The following SBF2 variants were observed in gnomAD, a reference collection of about 807,000 sequenced individuals.
The protein encoded by SBF2 is myotubularin-related protein 13.
Under a neutral mutation model 225.2 loss-of-function variants are expected in SBF2, and 112 were observed. That is an observed-to-expected ratio of 0.50 (90% CI 0.43 to 0.58). The LOEUF (loss-of-function observed/expected upper bound fraction) is 0.58, where lower values mean the gene tolerates loss of function less well. Among genes scored for constraint, SBF2 ranks in the 20% least tolerant of loss-of-function variants. The probability of loss-of-function intolerance (pLI) is 0.00; values close to 1 mark genes in which losing one functional copy is unlikely to be tolerated. For synonymous variants in SBF2, 763 were observed against 773.3 expected (o/e 0.99, Z 0.22); for missense variants, 1,996 against 2,206.2 (o/e 0.90, Z 1.91).
At chr11:10,211,148 G>C (rs1250788655) in intron 1 of SBF2, among the ~76,000 whole-genome samples, 1 of 151,500 alleles carries the variant, frequency 6.6e-6, no homozygotes, top group Non-Finnish European at 1.5e-5. Flanking sequence ...TCATGTCACT[G>C]GTATCCAGTA....
chr11:10,193,501 C>A (rs1227534757), intron 2 of SBF2, among the ~76,000 whole-genome samples: 1 of 151,858 alleles, frequency 6.6e-6, no homozygotes, highest in Non-Finnish European at 1.5e-5. Flanking sequence ...ACTACAGACG[C>A]CCGCCACCAC....
Position 9,845,571 on chromosome 11 carries a change from G to T in SBF2, c.3104C>A (p.Ser1035Tyr), listed in dbSNP as rs1856484914. The change falls in exon 24 of 40, where the codon TCT (serine) becomes TAT (tyrosine). Residue 1035 changes from serine (S) to tyrosine (Y), a missense_variant. Ser to Tyr is a moderately radical substitution (Grantham distance 144). Transcript: ENST00000256190. ...ILPKQKEKNT[S>Y]FRTFSKTIVK... is the part of the protein sequence containing the mutation. ...GACTTGTCTTTCTTCTTACCGAAAA[G>T]AAGTGTTCTTTTCCTTCTGTTTTGG... 6.2e-7 allele frequency: 1 copy of T among 1,613,508 alleles called. No homozygotes were observed. The highest frequency in any genetic ancestry group is 8.5e-7 in the Non-Finnish European group (1 of 1,179,470).
chr11:10,292,119 T>A (rs1964195836), intron 1 of SBF2, among the ~76,000 whole-genome samples: 1 of 152,240 alleles, frequency 6.6e-6, no homozygotes, highest in African/African-American at 2.4e-5. Context: ...ATTGCTAAAC[T>A]GGATCCTTTT....
chr11:9,802,992 T>A (rs1484552572), intron 32 of SBF2, among the ~76,000 whole-genome samples: 1 of 152,210 alleles, frequency 6.6e-6, no homozygotes, highest in African/African-American at 2.4e-5. Flanking sequence ...GAAAGGAGGA[T>A]TCAGGCAAAT....
chr11:10,147,479 A>T (rs974624961), intron 2 of SBF2, among the ~76,000 whole-genome samples: 44 of 152,098 alleles, frequency 2.9e-4, no homozygotes, highest in African/African-American at 1.1e-3. Context: ...CTGAAAACCA[A>T]ATACTGCATG....
intron 1 of SBF2, among the ~76,000 whole-genome samples, chr11:10,300,231 T>C (rs1405846683): frequency 1.3e-5 from 2 of 152,196 alleles, no homozygotes; most frequent in Admixed American, 1.3e-4. Flanking sequence ...TGTAAGCTCG[T>C]TGAGGGTAAG....
intron 17 of SBF2, among the ~76,000 whole-genome samples, chr11:9,888,338 G>GA (rs900090886): frequency 2.6e-5 from 4 of 151,704 alleles, no homozygotes; most frequent in African/African-American, 4.8e-5. Context: ...CTCTACAAAA[G>GA]AAAAAAATTT....
rs187562159 is a variant in SBF2 at position 9,975,266 on chromosome 11, A to G, written c.1396-6721T>C. 2.8e-3 allele frequency among the ~76,000 whole-genome samples: 423 copies of G among 152,334 alleles called. 1 individual carries two copies. The highest frequency in any genetic ancestry group is 3.4e-3 in the Non-Finnish European group (234 of 68,024). On this transcript the variant is annotated intron_variant, in intron 13 of 39. Transcript: ENST00000256190. ...GCTAAAATTGTCTTTCAGTTGGTCAACAGGTAAATAAAACTTTAGTCCATC... is the reference window on the plus strand; with the variant it reads ...GCTAAAATTGTCTTTCAGTTGGTCAGCAGGTAAATAAAACTTTAGTCCATC...
chr11:10,054,734 A>G (rs1480640658), intron 2 of SBF2, among the ~76,000 whole-genome samples: 3 of 152,196 alleles, frequency 2.0e-5, no homozygotes, highest in Admixed American at 1.3e-4. Flanking sequence ...TCGTATTAAA[A>G]AGTGGACAAA....
chr11:10,076,920 C>G (rs746722387), intron 2 of SBF2, among the ~76,000 whole-genome samples: 6 of 152,206 alleles, frequency 3.9e-5, no homozygotes, highest in African/African-American at 1.2e-4. Flanking sequence ...CTCCATCAAC[C>G]TGCATCTGAG....
chr11:9,890,471 C>T (rs1269857589), intron 17 of SBF2, among the ~76,000 whole-genome samples: 1 of 152,126 alleles, frequency 6.6e-6, no homozygotes, highest in African/African-American at 2.4e-5. Context: ...GAATGAGTGT[C>T]TGAATAACGC....
At position 9,789,122 on chromosome 11, in the gene SBF2, G is replaced by C. The variant is rs1284170057; in HGVS notation, c.4919C>G (p.Thr1640Ser). ...DVSCTQPDAL[T>S]SLFSEIEKLE... is the part of the protein sequence containing the mutation. ...CAGTTGACTTACACTGAAAAGGCTGGTGAGAGCATCAGGCTGAGTACAGCT... is the reference window on the plus strand; with the variant it reads ...CAGTTGACTTACACTGAAAAGGCTGCTGAGAGCATCAGGCTGAGTACAGCT... The change falls in exon 35 of 40, where the codon ACC (threonine) becomes AGC (serine). Residue 1640 changes from threonine (T) to serine (S), a missense_variant. By Grantham distance (58) the Thr-to-Ser change is moderately conservative. Transcript: ENST00000256190. 2.5e-6 allele frequency: 4 copies of C among 1,614,112 alleles called. No homozygotes were observed. The highest frequency in any genetic ancestry group is 3.4e-6 in the Non-Finnish European group (4 of 1,179,986).
chr11:10,033,455 T>C (rs187578184), intron 3 of SBF2, among the ~76,000 whole-genome samples: 213 of 152,258 alleles, frequency 1.4e-3, no homozygotes, highest in African/African-American at 4.8e-3. Context: ...AAAGGTCCAA[T>C]AGAGTGAAAA....
chr11:9,850,702 C>T (rs954148175), intron 21 of SBF2, among the ~76,000 whole-genome samples: 1 of 152,126 alleles, frequency 6.6e-6, no homozygotes, highest in Non-Finnish European at 1.5e-5. Flanking sequence ...AGTTTATATA[C>T]CCAAATGTGA....
At position 9,856,440 on chromosome 11, in the gene SBF2, G is replaced by A; in HGVS notation, c.2363+18C>T. ...CAAGAAGAGTAGGAGGAGGGTCTGT[G>A]TGTTCACATTTTGGTACCTGTTTGT... On this transcript the variant is annotated intron_variant, in intron 19 of 39. Transcript: ENST00000256190. 5 of 1,613,204 alleles carry A rather than the reference G, an allele frequency of 3.1e-6. No homozygotes were observed. The highest frequency in any genetic ancestry group is 4.2e-6 in the Non-Finnish European group (5 of 1,179,982).
chr11:9,993,210 T>C (rs372301741), intron 10 of SBF2, 107 bp from the exon 11 acceptor site: 9 of 772,712 alleles, frequency 1.2e-5, no homozygotes, highest in South Asian at 4.5e-5. Context: ...TTGATTTTTA[T>C]ATCCACCAAA....
chr11:10,169,446 T>C (rs1481120011), intron 2 of SBF2, among the ~76,000 whole-genome samples: 1 of 152,234 alleles, frequency 6.6e-6, no homozygotes, highest in Non-Finnish European at 1.5e-5. Context: ...AAGTTTGTCT[T>C]TCTGTGCCTA....
intron 2 of SBF2, among the ~76,000 whole-genome samples, chr11:10,173,888 C>T (rs1026975216): frequency 6.6e-6 from 1 of 151,830 alleles, no homozygotes; most frequent in Non-Finnish European, 1.5e-5. Context: ...GAGGCACCCC[C>T]CAGCAGGGGC....
intron 1 of SBF2, among the ~76,000 whole-genome samples, chr11:10,230,663 T>A (rs1591268853): frequency 6.6e-6 from 1 of 152,202 alleles, no homozygotes; most frequent in Non-Finnish European, 1.5e-5. Context: ...GCTTGTAGAG[T>A]TTCTGCTGAG....
Sources: gnomAD v4.1 joint callset for allele counts (sites outside exome capture counted in the v4.1 genomes callset) on GRCh38, gnomAD v4.1.1 for gene constraint, MANE v1.5 for transcripts, NCBI Gene and HGNC (gene_info 2026-07-23, HGNC 2026-07-21) for gene names.